Variants in BLOC1S3 observed in about 807,000 individuals in gnomAD.
BLOC1S3 encodes the protein biogenesis of lysosome-related organelles complex 1 subunit 3.
Under a neutral mutation model 9.1 loss-of-function variants are expected in BLOC1S3, and 7 were observed. The ratio of observed to expected loss-of-function variants is 0.77; its 90% CI spans 0.44 to 1.45. The LOEUF (loss-of-function observed/expected upper bound fraction) is 1.45, where lower values mean the gene tolerates loss of function less well. Among genes scored for constraint, BLOC1S3 ranks in the 40% most tolerant of loss-of-function variants. The probability of loss-of-function intolerance (pLI) is 0.01; values close to 1 mark genes in which losing one functional copy is unlikely to be tolerated. For missense variants in BLOC1S3, 307 were observed against 315.2 expected (o/e 0.97, Z 0.20); for synonymous variants, 145 against 158.4 (o/e 0.92, Z 0.64).
chr19:45,193,159 A>G (rs904679253), intron 2 of BLOC1S3, among the ~76,000 whole-genome samples: 8 of 146,512 alleles, frequency 5.5e-5, no homozygotes, highest in Admixed American at 1.3e-4. Context: ...AAAAAAAAAA[A>G]AGAGACTATT....
chr19:45,212,178 C>T (rs927731997), intron 3 of BLOC1S3, among the ~76,000 whole-genome samples: 1 of 152,322 alleles, frequency 6.6e-6, no homozygotes, highest in East Asian at 1.9e-4. Context: ...GAAGGCCTGG[C>T]CTCAGAGCCA....
intron 1 of BLOC1S3, 33 bp downstream of exon 1, chr19:45,178,864 C>T: frequency 6.0e-6 from 1 of 167,536 alleles, no homozygotes; most frequent in South Asian, 1.8e-4. Context: ...TTCTCCCATC[C>T]CATGAGTGCC....
At chr19:45,186,289 A>T (rs1228151085), downstream of BLOC1S3, among the ~76,000 whole-genome samples, 2 of 152,130 alleles carry the variant, frequency 1.3e-5, no homozygotes, top group African/African-American at 2.4e-5. Flanking sequence ...GAATTATTGG[A>T]CTTCTGTTGT....
At chr19:45,189,931 G>T (rs1480970746) in intron 2 of BLOC1S3, among the ~76,000 whole-genome samples, 1 of 151,924 alleles carries the variant, frequency 6.6e-6, no homozygotes, top group Non-Finnish European at 1.5e-5. Context: ...TCTAGATTTT[G>T]TAGGTATGCT....
chr19:45,216,166 A>T, intron 3 of BLOC1S3: 1 of 1,613,854 alleles, frequency 6.2e-7, no homozygotes, highest in Non-Finnish European at 8.5e-7. Flanking sequence ...ATGGGGCACC[A>T]CGGCATCCAG....
Position 45,210,289 on chromosome 19 carries a change from C to CTTTTTTT in BLOC1S3, n.283-6365_283-6359dup, listed in dbSNP as rs71173125. On this transcript the variant is annotated intron_variant and non_coding_transcript_variant, in intron 3 of 3. Coordinates refer to the BLOC1S3 transcript ENST00000591569. The stretch of plus-strand genomic sequence containing the variant: ...ATATACATAAAATTTACTATTTTAA[C>CTTTTTTT]TTTTTTTTTTTTTTTTTTTTTTTTT... Among the ~76,000 whole-genome samples the CTTTTTTT allele has an allele frequency of 2.7e-4, 20 of 74,436 alleles. 1 individual carries two copies. The highest frequency in any genetic ancestry group is 3.2e-4 in the African/African-American group (6 of 18,708). 48.8% of individuals were successfully genotyped at this position (74,436 alleles called of 152,430 possible).
At chr19:45,200,164 T>C (rs1014222439) in intron 2 of BLOC1S3, among the ~76,000 whole-genome samples, 6 of 150,706 alleles carry the variant, frequency 4.0e-5, no homozygotes, top group Non-Finnish European at 2.9e-5. Context: ...AGTGTGTCAG[T>C]TGAATTTTTT....
Position 45,179,310 on chromosome 19 carries a change from G to T in BLOC1S3, c.14G>T (p.Gly5Val), listed in dbSNP as rs776312825. 1.3e-6 allele frequency: 2 copies of T among 1,582,672 alleles called. No homozygotes were observed. Among genetic ancestry groups the T allele is most frequent in the East Asian group, 2.3e-5 (1 of 43,492 alleles). The change falls in exon 2 of 2, where the codon GGT becomes GTT. Residue 5 changes from glycine (G) to valine (V), a missense_variant. Physicochemically the swap from Gly to Val is moderately radical, Grantham distance 109 (BLOSUM62 -3). Transcript: ENST00000433642. The surrounding 1 kb of genome is among the most constrained non-coding windows in gnomAD (Gnocchi z 4.6). ...TAGTTCGGTGCCATGGCGTCCCAGG[G>T]TCGTCGGCGGAGGCCCCTGCGGAGG... Reference protein sequence around the residue: MASQGRRRRPLRRPE... With the variant: MASQVRRRRPLRRPE...
At chr19:45,211,442 T>G (rs1221991285) in intron 3 of BLOC1S3, among the ~76,000 whole-genome samples, 2 of 141,790 alleles carry the variant, frequency 1.4e-5, no homozygotes, top group African/African-American at 5.4e-5. Flanking sequence ...ACCTGGGAGG[T>G]GGAGGTTGCA....
intron 3 of BLOC1S3, among the ~76,000 whole-genome samples, chr19:45,210,053 A>G (rs1969756752): frequency 6.7e-6 from 1 of 148,894 alleles, no homozygotes; most frequent in African/African-American, 2.6e-5. Context: ...CTCAAAAACA[A>G]AACAAAACAA....
At chr19:45,182,688 T>A (rs959371985), downstream of BLOC1S3, among the ~76,000 whole-genome samples, 36 of 151,946 alleles carry the variant, frequency 2.4e-4, no homozygotes, top group African/African-American at 8.2e-4. Context: ...TAATTAATTT[T>A]AAAAAATAAA....
chr19:45,206,450 GT>G lies in BLOC1S3; in HGVS notation n.282+3966del, dbSNP rs1054281226. Among the ~76,000 whole-genome samples the G allele has an allele frequency of 1.8e-3, 100 of 55,146 alleles. 3 individuals are homozygous for G. In the Middle Eastern group the frequency reaches 0.033, roughly 18 times the overall value. The allele number at this position is 55,146 out of a possible 152,430, so 36.2% of individuals were successfully genotyped here. On this transcript the variant is annotated intron_variant and non_coding_transcript_variant, in intron 3 of 3. Coordinates refer to the BLOC1S3 transcript ENST00000591569. ...TTCCACCTTCTTTTGGATTAATCAA[GT>G]TTTTTTTTTTTTTTTTTTTTTTGAG...
At chr19:45,195,814 C>T (rs1272327067) in intron 2 of BLOC1S3, among the ~76,000 whole-genome samples, 2 of 151,986 alleles carry the variant, frequency 1.3e-5, no homozygotes, top group South Asian at 2.1e-4. Context: ...AGGCTGGTCT[C>T]GACCTCCCAA....
intron 3 of BLOC1S3, among the ~76,000 whole-genome samples, chr19:45,211,491 A>G (rs1394745943): frequency 6.6e-6 from 1 of 150,826 alleles, no homozygotes; most frequent in Non-Finnish European, 1.5e-5. Flanking sequence ...AGCCTGGGCG[A>G]CAGAATGAGA....
Position 45,179,341 on chromosome 19 carries a change from G to T in BLOC1S3, c.45G>T (p.Glu15Asp). 1 of 1,587,434 alleles carries T rather than the reference G, an allele frequency of 6.3e-7. No individual in the cohort carries two copies. The highest frequency in any genetic ancestry group is 1.7e-5 in the Admixed American group (1 of 58,714). ...GRRRRPLRRP[E>D]TVVPGEATET... ...GGCGGAGGCCCCTGCGGAGGCCGGA[G>T]ACGGTGGTGCCGGGGGAGGCGACCG... The change falls in exon 2 of 2, where the codon GAG (glutamate) becomes GAT (aspartate). Residue 15 changes from glutamate (E) to aspartate (D), a missense_variant. Transcript: ENST00000433642. This position sits in a 1 kb window ranked among gnomAD's most constrained non-coding sequence, Gnocchi z 4.6.
chr19:45,202,686 A>C (rs1209952558), intron 3 of BLOC1S3, among the ~76,000 whole-genome samples: 3 of 151,712 alleles, frequency 2.0e-5, no homozygotes, highest in African/African-American at 7.3e-5. Context: ...AGTCTCCTTT[A>C]CTCTTTCCTC....
chr19:45,214,340 G>T (rs1047413123), intron 3 of BLOC1S3, among the ~76,000 whole-genome samples: 7 of 152,142 alleles, frequency 4.6e-5, no homozygotes, highest in Non-Finnish European at 8.8e-5. Flanking sequence ...GAATGTGTCT[G>T]CCCAAATAGC....
At chr19:45,201,063 C>T (rs915766207) in intron 2 of BLOC1S3, among the ~76,000 whole-genome samples, 19 of 152,016 alleles carry the variant, frequency 1.2e-4, no homozygotes, top group African/African-American at 4.6e-4. Flanking sequence ...ATTTGCCAGG[C>T]GTAGGGGTGG....
At chr19:45,199,214 T>C (rs1666198903) in intron 2 of BLOC1S3, among the ~76,000 whole-genome samples, 1 of 152,132 alleles carries the variant, frequency 6.6e-6, no homozygotes, top group Non-Finnish European at 1.5e-5. Flanking sequence ...TAATAAACTT[T>C]CTATTCCAAT....
Sources: gnomAD v4.1 joint callset for allele counts (sites outside exome capture counted in the v4.1 genomes callset) on GRCh38, gnomAD v4.1.1 for gene constraint, Gnocchi (gnomAD v3.1) non-coding constraint, MANE v1.5 for transcripts, NCBI Gene and HGNC (gene_info 2026-07-23, HGNC 2026-07-21) for gene names.